Variants in PARD3 observed in about 807,000 individuals in gnomAD.
PARD3 encodes partitioning defective 3 homolog.
Under a neutral mutation model 155.4 loss-of-function variants are expected in PARD3, and 75 were observed. The ratio of observed to expected loss-of-function variants is 0.48; its 90% CI spans 0.40 to 0.58. PARD3 has a LOEUF of 0.58. Among genes scored for constraint, PARD3 ranks in the 20% least tolerant of loss-of-function variants. The probability of loss-of-function intolerance (pLI) is 0.00; values close to 1 mark genes in which losing one functional copy is unlikely to be tolerated. For synonymous variants in PARD3, 576 were observed against 610.5 expected (o/e 0.94, Z 0.83); for missense variants, 1,642 against 1,721.7 (o/e 0.95, Z 0.82).
chr10:34,766,211 T>G (rs1266876158), intron 1 of PARD3, among the ~76,000 whole-genome samples: 1 of 152,222 alleles, frequency 6.6e-6, no homozygotes, highest in Admixed American at 6.5e-5. Context: ...TTTTATTACT[T>G]GTATTTTATC....
rs780865181 is a variant in PARD3 at position 34,131,489 on chromosome 10, G to A, written c.3514C>T (p.Arg1172Trp). Residue 1172 changes from arginine to tryptophan, a missense_variant, in exon 23 of 25, where the codon CGG becomes TGG. By Grantham distance (101) the Arg-to-Trp change is moderately radical. This residue lies in a region of PARD3 where 1,529 missense variants were observed against 1,587.3 expected (regional missense o/e 0.96). Transcript: ENST00000374788. Reference protein sequence around the residue: ...KQDEDVEDRRRTYSFEQPWPN... With the variant: ...KQDEDVEDRRWTYSFEQPWPN... ...CAGGGTTGCTCAAAACTATAGGTCC[G>A]CCGACGATCTTCTACATCTTCATCT... 1.1e-5 allele frequency: 18 copies of A among 1,613,940 alleles called. No homozygotes were observed. In the African/African-American group the frequency reaches 1.2e-4, roughly 11 times the overall value.
At chr10:34,752,139 T>G (rs368877005) in intron 1 of PARD3, among the ~76,000 whole-genome samples, 167 of 150,764 alleles carry the variant, frequency 1.1e-3, no homozygotes, top group Middle Eastern at 0.01. Flanking sequence ...TGTGGGGGGG[T>G]TTTCTGTGGG....
intron 14 of PARD3, among the ~76,000 whole-genome samples, chr10:34,353,688 C>T (rs990721722): frequency 2.7e-5 from 4 of 149,140 alleles, no homozygotes; most frequent in Non-Finnish European, 5.9e-5. Flanking sequence ...TCCCCCTCTC[C>T]GAGAAACACC....
At chr10:34,289,583 T>C (rs1285833796) in intron 20 of PARD3, among the ~76,000 whole-genome samples, 5 of 152,158 alleles carry the variant, frequency 3.3e-5, no homozygotes, top group African/African-American at 1.2e-4. Context: ...CTTAGTTGCT[T>C]AGAGGTAGTG....
At chr10:34,417,679 A>G (rs930308789) in intron 5 of PARD3, among the ~76,000 whole-genome samples, 12 of 152,234 alleles carry the variant, frequency 7.9e-5, no homozygotes, top group African/African-American at 2.9e-4. Flanking sequence ...TCAATTACCA[A>G]CTGCATTTAC....
chr10:34,413,229 A>G (rs1046715716), intron 5 of PARD3, among the ~76,000 whole-genome samples: 3 of 152,094 alleles, frequency 2.0e-5, no homozygotes, highest in African/African-American at 7.2e-5. Context: ...CAATTTTAAA[A>G]AATAGGACGG....
intron 2 of PARD3, among the ~76,000 whole-genome samples, chr10:34,562,370 G>T (rs1345699506): frequency 6.6e-6 from 1 of 152,020 alleles, no homozygotes; most frequent in African/African-American, 2.4e-5. Context: ...CAGGGAGTCA[G>T]AGGTTGCAGT....
At chr10:34,243,168 G>C (rs964208644) in intron 22 of PARD3, among the ~76,000 whole-genome samples, 7 of 152,064 alleles carry the variant, frequency 4.6e-5, no homozygotes, top group Admixed American at 4.6e-4. Flanking sequence ...CACTATAACA[G>C]ATCACACACA....
chr10:34,508,557 T>C (rs1331916427), intron 3 of PARD3, among the ~76,000 whole-genome samples: 4 of 152,090 alleles, frequency 2.6e-5, no homozygotes, highest in East Asian at 1.9e-4. Flanking sequence ...AAAAAAATCA[T>C]AGAGTGAAAA....
intron 1 of PARD3, among the ~76,000 whole-genome samples, chr10:34,764,908 A>C (rs928876160): frequency 3.3e-5 from 5 of 152,190 alleles, no homozygotes; most frequent in African/African-American, 1.2e-4. Context: ...TTATCTTCAT[A>C]AACAGCCTGC....
At chr10:34,235,390 C>G (rs1187292751) in intron 22 of PARD3, among the ~76,000 whole-genome samples, 1 of 152,186 alleles carries the variant, frequency 6.6e-6, no homozygotes, top group Non-Finnish European at 1.5e-5. Flanking sequence ...TGGTAAGATT[C>G]TAGGCATGCT....
intron 1 of PARD3, among the ~76,000 whole-genome samples, chr10:34,779,698 T>C (rs1395515881): frequency 6.6e-6 from 1 of 152,164 alleles, no homozygotes; most frequent in African/African-American, 2.4e-5. Flanking sequence ...CTGAATTCAG[T>C]CCTTCTGTGA....
At chr10:34,711,057 T>A (rs568762013) in intron 1 of PARD3, among the ~76,000 whole-genome samples, 16 of 152,192 alleles carry the variant, frequency 1.1e-4, no homozygotes, top group African/African-American at 3.4e-4. Context: ...ACACCTGTAG[T>A]CCCAGGTATT....
At chr10:34,197,979 G>A (rs904189485) in intron 22 of PARD3, among the ~76,000 whole-genome samples, 9 of 152,136 alleles carry the variant, frequency 5.9e-5, no homozygotes, top group Admixed American at 3.3e-4. Flanking sequence ...ATCGTGATCC[G>A]CCTGCCTCAG....
chr10:34,437,087 A>G (rs1191012139), intron 5 of PARD3, among the ~76,000 whole-genome samples: 1 of 152,168 alleles, frequency 6.6e-6, no homozygotes, highest in Non-Finnish European at 1.5e-5. Context: ...AAATTAAAGA[A>G]TGTTATCAAA....
intron 1 of PARD3, among the ~76,000 whole-genome samples, chr10:34,789,305 A>C (rs1310547061): frequency 6.6e-6 from 1 of 152,240 alleles, no homozygotes; most frequent in African/African-American, 2.4e-5. Context: ...AAGGAAAAAA[A>C]TTACCAAAAT....
intron 21 of PARD3, among the ~76,000 whole-genome samples, chr10:34,274,482 T>C (rs1390328196): frequency 6.6e-6 from 1 of 152,150 alleles, no homozygotes; most frequent in Non-Finnish European, 1.5e-5. Flanking sequence ...TTACATTCAA[T>C]GGGATATTAA....
chr10:34,397,543 G>C (rs762625652), intron 7 of PARD3, among the ~76,000 whole-genome samples: 19 of 152,122 alleles, frequency 1.2e-4, no homozygotes, highest in Non-Finnish European at 2.5e-4. Flanking sequence ...GAATCTGTTT[G>C]GTGTATCAAA....
chr10:34,482,463 C>T (rs1233868381), intron 3 of PARD3, among the ~76,000 whole-genome samples: 2 of 151,980 alleles, frequency 1.3e-5, no homozygotes, highest in Non-Finnish European at 2.9e-5. Flanking sequence ...GAGCCCCTGC[C>T]CCAGGCCTCT....
Sources: allele counts gnomAD v4.1 joint callset (sites outside exome capture counted in the v4.1 genomes callset), GRCh38; gene constraint gnomAD v4.1.1; regional missense constraint gnomAD v4.1.1; transcripts MANE v1.5; gene names NCBI Gene and HGNC (gene_info 2026-07-23, HGNC 2026-07-21).